The following PHF24 variants were observed in gnomAD, a reference collection of about 807,000 sequenced individuals.
PHF24 encodes the protein Galpha inhibitory interacting protein.
Under a neutral mutation model 42.6 loss-of-function variants are expected in PHF24, and 25 were observed. The ratio of observed to expected loss-of-function variants is 0.59; its 90% CI spans 0.43 to 0.82. The LOEUF (loss-of-function observed/expected upper bound fraction) is 0.82, where lower values mean the gene tolerates loss of function less well. Among genes scored for constraint, PHF24 ranks in the 40% least tolerant of loss-of-function variants. The pLI, the probability that PHF24 is intolerant of heterozygous loss-of-function variation, is 0.00. For synonymous variants in PHF24, 185 were observed against 204.8 expected (o/e 0.90, Z 0.83); for missense variants, 470 against 538.1 (o/e 0.87, Z 1.25).
In PHF24 at chr9:34,966,252, A is replaced by G. The variant is rs1826763857; in HGVS notation, c.-4-5043A>G. ...TCCCACCTGCCACAGGATCCAGCCA[A>G]TTCACCACTTGAGAATCATTGCTCT... is the stretch of plus-strand genomic sequence containing the variant. On this transcript the variant is annotated intron_variant, in intron 1 of 7. Transcript: ENST00000242315. 1.3e-5 allele frequency among the ~76,000 whole-genome samples: 2 copies of G among 152,198 alleles called. 1 individual carries two copies. Among genetic ancestry groups the G allele is most frequent in the South Asian group, 4.1e-4 (2 of 4,832 alleles).
At chr9:34,796,624 C>T in the PHF24 span, among the ~76,000 whole-genome samples, 1 of 152,156 alleles carries the variant, frequency 6.6e-6, no homozygotes. Context: ...GATCATGCAC[C>T]ATTTGGAAAA....
the PHF24 span, among the ~76,000 whole-genome samples, chr9:34,857,972 G>GTTTTTTTT: frequency 1.0e-5 from 1 of 95,952 alleles, no homozygotes; most frequent in Non-Finnish European, 2.4e-5. Flanking sequence ...TGTTTCTCTG[G>GTTTTTTTT]TTTTTTTTTT....
At chr9:34,927,940 G>A in the PHF24 span, among the ~76,000 whole-genome samples, 2 of 152,284 alleles carry the variant, frequency 1.3e-5, no homozygotes, top group African/African-American at 4.8e-5. Context: ...AAACATTAAT[G>A]AGTTGGGAGC....
At chr9:34,730,316 T>C in the PHF24 span, among the ~76,000 whole-genome samples, 2 of 152,258 alleles carry the variant, frequency 1.3e-5, no homozygotes, top group African/African-American at 4.8e-5. Flanking sequence ...AGCCAGACTA[T>C]TGATTTACCT....
chr9:34,877,897 G>A, the PHF24 span, among the ~76,000 whole-genome samples: 4 of 151,732 alleles, frequency 2.6e-5, no homozygotes, highest in Non-Finnish European at 4.4e-5. Context: ...CTGACAGACC[G>A]TGATGTGTGC....
the PHF24 span, among the ~76,000 whole-genome samples, chr9:34,731,320 T>C: frequency 1.9e-3 from 293 of 152,326 alleles, 1 homozygote; most frequent in Non-Finnish European, 3.2e-3. Flanking sequence ...AAATGTACAA[T>C]AAATTATTAT....
the PHF24 span, among the ~76,000 whole-genome samples, chr9:34,763,512 A>G: frequency 0.19 from 28,993 of 151,896 alleles, 3,183 homozygotes; most frequent in African/African-American, 0.29. Context: ...TGTTATTGGT[A>G]TACAAGAATG....
At chr9:34,927,652 G>C in the PHF24 span, among the ~76,000 whole-genome samples, 3 of 152,070 alleles carry the variant, frequency 2.0e-5, no homozygotes, top group Non-Finnish European at 4.4e-5. Context: ...CCTGACTCTG[G>C]GCACATCCAA....
the PHF24 span, among the ~76,000 whole-genome samples, chr9:34,853,318 G>GACC: frequency 6.6e-6 from 1 of 152,178 alleles, no homozygotes; most frequent in Non-Finnish European, 1.5e-5. Context: ...AAGCCAACAT[G>GACC]ACCATGGTGG....
the PHF24 span, among the ~76,000 whole-genome samples, chr9:34,773,592 A>G: frequency 2.6e-5 from 4 of 152,258 alleles, no homozygotes; most frequent in Non-Finnish European, 5.9e-5. Context: ...ATATAAATAA[A>G]TGATTGAATA....
the PHF24 span, among the ~76,000 whole-genome samples, chr9:34,805,571 C>T: frequency 6.1e-4 from 93 of 152,238 alleles, no homozygotes; most frequent in Admixed American, 2.6e-3. Flanking sequence ...CTTTCTGTTA[C>T]TGAGTTATAA....
chr9:34,970,099 T>C (rs956767705), intron 1 of PHF24, among the ~76,000 whole-genome samples: 9 of 152,194 alleles, frequency 5.9e-5, no homozygotes, highest in Admixed American at 1.3e-4. Flanking sequence ...TAAGCCTTGA[T>C]TAGAATGGAT....
At chr9:34,822,424 A>C in the PHF24 span, among the ~76,000 whole-genome samples, 1 of 152,258 alleles carries the variant, frequency 6.6e-6, no homozygotes, top group Admixed American at 6.5e-5. Context: ...TATAAAATTC[A>C]TATTTTAAAG....
chr9:34,924,077 G>C, the PHF24 span, among the ~76,000 whole-genome samples: 2 of 151,994 alleles, frequency 1.3e-5, no homozygotes, highest in African/African-American at 2.4e-5. Context: ...TCATTCAAGA[G>C]CATATTGTTT....
chr9:34,803,381 G>C, the PHF24 span, among the ~76,000 whole-genome samples: 1 of 119,788 alleles, frequency 8.3e-6, no homozygotes, highest in African/African-American at 3.1e-5. Flanking sequence ...CCATTAATTT[G>C]CTGAATTCTA....
the PHF24 span, among the ~76,000 whole-genome samples, chr9:34,856,141 C>T: frequency 2.0e-5 from 3 of 152,278 alleles, no homozygotes; most frequent in South Asian, 6.2e-4. Flanking sequence ...ATGTTTCTCT[C>T]TAAGCTGGAT....
At chr9:34,788,350 A>G in the PHF24 span, among the ~76,000 whole-genome samples, 1 of 152,110 alleles carries the variant, frequency 6.6e-6, no homozygotes, top group African/African-American at 2.4e-5. Flanking sequence ...GCCAGCAGTA[A>G]CTGTTTTTAA....
upstream of PHF24, among the ~76,000 whole-genome samples, chr9:34,956,759 G>C (rs952200103): frequency 1.3e-5 from 2 of 152,226 alleles, no homozygotes; most frequent in Non-Finnish European, 2.9e-5. Context: ...TATATGGAAG[G>C]CTCAGTCTGC....
chr9:34,976,609 C>G, exon 5 of PHF24: 1 of 1,614,164 alleles, frequency 6.2e-7, no homozygotes, highest in Non-Finnish European at 8.5e-7. Context: ...TGACAGGGCC[C>G]TGAGTGAGGA....
Sources: allele counts gnomAD v4.1 joint callset (sites outside exome capture counted in the v4.1 genomes callset), GRCh38; gene constraint gnomAD v4.1.1; transcripts MANE v1.5; gene names NCBI Gene and HGNC (gene_info 2026-07-23, HGNC 2026-07-21).